The following GADL1 variants were observed in gnomAD, a reference collection of about 807,000 sequenced individuals.
The protein encoded by GADL1 is GAD like acidic amino acid decarboxylase 1, also known as acidic amino acid decarboxylase GADL1.
In GADL1, 71 loss-of-function variants were observed where a neutral mutation model predicts 69.5. The observed-to-expected ratio is 1.02, with a 90% confidence interval of 0.84 to 1.25. The LOEUF (loss-of-function observed/expected upper bound fraction) is 1.25. Ranked by LOEUF, GADL1 falls within the 50% of genes most tolerant of loss-of-function variation. The pLI is 0.00. For missense variants in GADL1, 737 were observed against 631.8 expected (o/e 1.17, Z -1.79); for synonymous variants, 254 against 214.4 (o/e 1.18, Z -1.62).
chr3:30,876,880 C>A (rs528223187), intron 1 of GADL1, among the ~76,000 whole-genome samples: 1 of 151,906 alleles, frequency 6.6e-6, no homozygotes, highest in Non-Finnish European at 1.5e-5. Flanking sequence ...TAGTTACCCA[C>A]AGTGAGAAAT....
chr3:30,761,039 A>AT (rs5847624), intron 14 of GADL1, among the ~76,000 whole-genome samples: 14,495 of 152,222 alleles, frequency 0.095, 780 homozygotes, highest in South Asian at 0.2. Flanking sequence ...CCCACAAAAC[A>AT]TTTTGCAACT....
intron 4 of GADL1, among the ~76,000 whole-genome samples, chr3:30,853,730 C>T (rs1698184813): frequency 6.6e-6 from 1 of 152,142 alleles, no homozygotes; most frequent in Non-Finnish European, 1.5e-5. Flanking sequence ...TATTTTCAAG[C>T]TGTGTATCCC....
At chr3:30,768,459 T>C (rs1320103603) in intron 14 of GADL1, among the ~76,000 whole-genome samples, 1 of 151,808 alleles carries the variant, frequency 6.6e-6, no homozygotes, top group Non-Finnish European at 1.5e-5. Context: ...AAAATTGTCA[T>C]TTATTTCATT....
chr3:30,759,656 A>C (rs984329822), intron 14 of GADL1, among the ~76,000 whole-genome samples: 3 of 152,036 alleles, frequency 2.0e-5, no homozygotes, highest in Non-Finnish European at 2.9e-5. Flanking sequence ...TTTAAAAGTG[A>C]CCATCTTTAT....
At chr3:30,731,175 T>C (rs541130712) in intron 14 of GADL1, among the ~76,000 whole-genome samples, 18 of 152,290 alleles carry the variant, frequency 1.2e-4, no homozygotes, top group African/African-American at 3.6e-4. Context: ...GCTTACAGCT[T>C]GCGGTTCTGT....
Position 30,849,954 on chromosome 3 carries a change from T to G in GADL1, c.651+42A>C, listed in dbSNP as rs778974747. 5 of 1,203,320 alleles carry G rather than the reference T, an allele frequency of 4.2e-6. No individual in the cohort carries two copies. The East Asian group carries it at 1.2e-4, about 28-fold the overall frequency. The allele number at this position is 1,203,320 out of a possible 1,614,324, so 74.5% of individuals were successfully genotyped here. A position where few individuals can be genotyped will look rare whatever the true frequency, so the allele number is the denominator to read the frequency against. On this transcript the variant is annotated intron_variant, in intron 6 of 14. Coordinates refer to ENST00000282538, the MANE Select transcript of GADL1 (RefSeq NM_207359.3). ...TCAAACAAAGCCCTCTTAAATATGC[T>G]TTCTCAGAAAATCTATATTCAATAC...
chr3:30,756,359 T>G (rs1695969052), intron 14 of GADL1, among the ~76,000 whole-genome samples: 3 of 152,174 alleles, frequency 2.0e-5, no homozygotes, highest in Admixed American at 2.0e-4. Context: ...ATTGTGGATG[T>G]GTAAACACTT....
chr3:30,829,382 G>A (rs541247612), intron 11 of GADL1, among the ~76,000 whole-genome samples: 3 of 151,890 alleles, frequency 2.0e-5, no homozygotes, highest in African/African-American at 7.2e-5. Flanking sequence ...TGGATGTCAG[G>A]GCTTTGTAGG....
At chr3:30,804,840 G>C (rs1357087916) in intron 11 of GADL1, among the ~76,000 whole-genome samples, 1 of 152,210 alleles carries the variant, frequency 6.6e-6, no homozygotes, top group African/African-American at 2.4e-5. Flanking sequence ...CATGTAGAGA[G>C]AGACTCTTGG....
chr3:30,798,466 A>T (rs1188836498), intron 12 of GADL1: 2 of 152,290 alleles, frequency 1.3e-5, no homozygotes, highest in South Asian at 2.1e-4. Flanking sequence ...CACTACCATG[A>T]CAGCAGTATG....
chr3:30,768,837 A>G (rs1172168581), intron 14 of GADL1, among the ~76,000 whole-genome samples: 1 of 152,162 alleles, frequency 6.6e-6, no homozygotes, highest in Non-Finnish European at 1.5e-5. Flanking sequence ...TAACATTTTC[A>G]CAGCATTTGT....
At chr3:30,839,281 G>C (rs1166015314) in intron 8 of GADL1, among the ~76,000 whole-genome samples, 168 bp from the exon 9 acceptor site, 1 of 151,948 alleles carries the variant, frequency 6.6e-6, no homozygotes, top group Non-Finnish European at 1.5e-5. Flanking sequence ...TGGCCTCTTG[G>C]CATTATAAAC....
At chr3:30,807,868 C>A (rs1697282509) in intron 11 of GADL1, among the ~76,000 whole-genome samples, 1 of 151,668 alleles carries the variant, frequency 6.6e-6, no homozygotes, top group African/African-American at 2.4e-5. Flanking sequence ...ACCATCTCTA[C>A]TAAAAATACA....
chr3:30,735,547 CTA>C (rs1048245592), intron 14 of GADL1, among the ~76,000 whole-genome samples: 1 of 152,132 alleles, frequency 6.6e-6, no homozygotes, highest in African/African-American at 2.4e-5. Flanking sequence ...AGGCTGCCTT[CTA>C]TATGTTTCCA....
intron 12 of GADL1, among the ~76,000 whole-genome samples, chr3:30,795,050 C>T (rs1227650707): frequency 6.6e-6 from 1 of 152,110 alleles, no homozygotes; most frequent in Non-Finnish European, 1.5e-5. Context: ...ATAACGTGCT[C>T]CTCAAATACT....
intron 14 of GADL1, among the ~76,000 whole-genome samples, chr3:30,741,262 G>A (rs893379540): frequency 6.8e-6 from 1 of 146,538 alleles, no homozygotes; most frequent in South Asian, 2.2e-4. Context: ...CTCTGCCCAC[G>A]CCAAGATTAC....
At chr3:30,882,030 A>C (rs1443424653) in intron 1 of GADL1, among the ~76,000 whole-genome samples, 2 of 151,930 alleles carry the variant, frequency 1.3e-5, no homozygotes, top group East Asian at 3.9e-4. Flanking sequence ...ATTATAAATT[A>C]CCCATTCTGT....
At chr3:30,823,680 GTAA>G (rs1478104494) in intron 11 of GADL1, among the ~76,000 whole-genome samples, 2 of 152,000 alleles carry the variant, frequency 1.3e-5, no homozygotes, top group East Asian at 3.9e-4. Context: ...ACAAGAAATA[GTAA>G]TAACACCAAA....
Position 30,857,002 on chromosome 3 carries a change from T to C in GADL1, c.337+13A>G. On this transcript the variant is annotated intron_variant, in intron 3 of 14. Coordinates refer to ENST00000282538, the MANE Select transcript of GADL1 (RefSeq NM_207359.3). ...CAGAGGTACAGATCAAGGAAGTAAA[T>C]TAAAGTTCTTACTAGTTTTGACACT... 6.5e-7 allele frequency: 1 copy of C among 1,546,408 alleles called. No homozygotes were observed.
Sources: allele counts gnomAD v4.1 joint callset (sites outside exome capture counted in the v4.1 genomes callset), GRCh38; gene constraint gnomAD v4.1.1; transcripts MANE v1.5; gene names NCBI Gene and HGNC (gene_info 2026-07-23, HGNC 2026-07-21).